GARNL3: variants seen among roughly 807,000 people sequenced by gnomAD.
The protein encoded by GARNL3 is GTPase activating Rap/RanGAP domain like 3.
Under a neutral mutation model 125.0 loss-of-function variants are expected in GARNL3, and 63 were observed. The observed-to-expected ratio is 0.50, with a 90% CI of 0.41 to 0.62. The LOEUF (loss-of-function observed/expected upper bound fraction) is 0.62. Among genes scored for constraint, GARNL3 ranks in the 20% least tolerant of loss-of-function variants. The probability of loss-of-function intolerance (pLI) is 0.00; values close to 1 mark genes in which losing one functional copy is unlikely to be tolerated. For synonymous variants in GARNL3, 439 were observed against 457.5 expected, an observed-to-expected ratio of 0.96 and a Z score of 0.52; for missense variants, 994 against 1,244.0, an observed-to-expected ratio of 0.80 and a Z score of 3.02.
rs147040690 is a variant in GARNL3 at position 127,353,959 on chromosome 9, C to T, written c.1642+15C>T. On this transcript the variant is annotated intron_variant, in intron 18 of 27. Transcript: ENST00000373387. ...AGCAGACAAAGGTGGTATTCCCTGCCGGGTGGCATGCTGTGGAGGAAGGAA... is the reference window on the plus strand; with the variant it reads ...AGCAGACAAAGGTGGTATTCCCTGCTGGGTGGCATGCTGTGGAGGAAGGAA... The T allele has an allele frequency of 1.0e-3, 1,627 of 1,556,698 alleles. 25 individuals are homozygous for T. In the Admixed American group the frequency reaches 0.024, roughly 23 times the overall value.
At chr9:127,259,763 G>A (rs1046468529), upstream of GARNL3, among the ~76,000 whole-genome samples, 2 of 152,128 alleles carry the variant, frequency 1.3e-5, no homozygotes, top group Admixed American at 1.3e-4. Flanking sequence ...CTGGCTGGAT[G>A]TGGTGGCTCA....
intron 22 of GARNL3, among the ~76,000 whole-genome samples, chr9:127,371,335 C>T (rs1831594310): frequency 6.6e-6 from 1 of 152,230 alleles, no homozygotes; most frequent in African/African-American, 2.4e-5. Context: ...AGCCAGGACT[C>T]CCTTTCCCAA....
In GARNL3 at chr9:127,380,052, C is replaced by T. The variant is rs142900574; in HGVS notation, c.2162-3386C>T. Among the ~76,000 whole-genome samples the T allele has an allele frequency of 1.8e-3, 275 of 152,148 alleles. 1 individual carries two copies. The highest frequency in any genetic ancestry group is 2.6e-3 in the Admixed American group (40 of 15,298). On this transcript the variant is annotated intron_variant, in intron 22 of 27. Coordinates refer to ENST00000373387, the MANE Select transcript of GARNL3 (RefSeq NM_032293.5). ...AAAATTAGCCAGGCGTGGTGGGGCA[C>T]GCCTTAGTCCCAGCTACTCGGGAGG...
chr9:127,368,489 C>T (rs1273961710), intron 22 of GARNL3, among the ~76,000 whole-genome samples: 1 of 151,578 alleles, frequency 6.6e-6, no homozygotes, highest in Non-Finnish European at 1.5e-5. Context: ...TGGCACCACA[C>T]CCGGCCAATT....
At chr9:127,250,859 A>T (rs1326569960) in intron 2 of GARNL3, among the ~76,000 whole-genome samples, 1 of 152,082 alleles carries the variant, frequency 6.6e-6, no homozygotes, top group Non-Finnish European at 1.5e-5. Flanking sequence ...GCTCCCTGCC[A>T]GGACGTCCTG....
At chr9:127,370,033 C>T (rs1213149760) in intron 22 of GARNL3, among the ~76,000 whole-genome samples, 3 of 152,168 alleles carry the variant, frequency 2.0e-5, no homozygotes, top group East Asian at 3.8e-4. Context: ...CATTTGTTCT[C>T]TCGGGAAGTA....
At chr9:127,243,835 T>C (rs1407993166) in intron 2 of GARNL3, among the ~76,000 whole-genome samples, 1 of 152,198 alleles carries the variant, frequency 6.6e-6, no homozygotes, top group Non-Finnish European at 1.5e-5. Flanking sequence ...AGGCCTTTGT[T>C]ATGGTGTATG....
intron 1 of GARNL3, among the ~76,000 whole-genome samples, chr9:127,229,054 C>A (rs1798448278): frequency 1.3e-5 from 2 of 152,156 alleles, no homozygotes; most frequent in African/African-American, 4.8e-5. Flanking sequence ...AAACTCCTGA[C>A]CTCAAGTGAT....
chr9:127,313,619 T>G, intron 4 of GARNL3, 60 bp downstream of exon 4: 1 of 1,094,186 alleles, frequency 9.1e-7, no homozygotes, highest in Non-Finnish European at 1.4e-6. Flanking sequence ...AGATAACCCC[T>G]GTGCTGTGGA....
rs1831326681 is a variant in GARNL3 at position 127,367,110 on chromosome 9, A to G, written c.2161+1744A>G. The G allele has an allele frequency of 3.9e-5, 6 of 152,222 alleles. No homozygotes were observed. The South Asian group carries it at 1.2e-3, about 32-fold the overall frequency. 9.4% of individuals were successfully genotyped at this position (152,222 alleles called of 1,614,324 possible). A position where few individuals can be genotyped will look rare whatever the true frequency, so the allele number is the denominator to read the frequency against. On this transcript the variant is annotated intron_variant, in intron 22 of 27. Transcript: ENST00000373387. ...GTCAGGAATCTGGCTTTTGTTTTCC[A>G]TATTTCTTTTTCCCAAGACATTGGG...
intron 1 of GARNL3, among the ~76,000 whole-genome samples, chr9:127,281,671 G>C (rs923931944): frequency 6.6e-6 from 1 of 152,220 alleles, no homozygotes; most frequent in African/African-American, 2.4e-5. Context: ...TGCAGGCACA[G>C]AAGTGGACTA....
Position 127,387,184 on chromosome 9 carries a change from C to G in GARNL3, c.2389-9C>G. The G allele has an allele frequency of 6.2e-7, 1 of 1,609,372 alleles. No individual in the cohort carries two copies. Among genetic ancestry groups the G allele is most frequent in the South Asian group, 1.1e-5 (1 of 90,468 alleles). On this transcript the variant is annotated splice_polypyrimidine_tract_variant and intron_variant, in intron 24 of 27. Coordinates refer to ENST00000373387, the MANE Select transcript of GARNL3 (RefSeq NM_032293.5). ...AGGCAGCCCGGTAATGCTCTCTCTTCCTTTCTAGTCGGATATATACTTCAC... is the reference window on the plus strand; with the variant it reads ...AGGCAGCCCGGTAATGCTCTCTCTTGCTTTCTAGTCGGATATATACTTCAC...
chr9:127,251,387 A>G (rs1476386695), intron 2 of GARNL3, among the ~76,000 whole-genome samples: 1 of 151,946 alleles, frequency 6.6e-6, no homozygotes, highest in Non-Finnish European at 1.5e-5. Context: ...CATTGATTTC[A>G]TAGTTTTTTT....
Position 127,393,302 on chromosome 9 carries a change from T to C in GARNL3, c.*48T>C, listed in dbSNP as rs773006599. ...TCTTTAGTTTTCTTATGGAGGTTTA[T>C]ACTCTTTAAACAGTTCTGATGTAAT... On this transcript the variant is annotated 3_prime_UTR_variant, in exon 28 of 28. Coordinates refer to ENST00000373387, the MANE Select transcript of GARNL3 (RefSeq NM_032293.5). The C allele has an allele frequency of 2.0e-6, 3 of 1,535,416 alleles. No individual in the cohort carries two copies. In the South Asian group the frequency reaches 3.4e-5, roughly 18 times the overall value.
At chr9:127,374,131 G>A (rs1257829572) in intron 22 of GARNL3, among the ~76,000 whole-genome samples, 4 of 151,864 alleles carry the variant, frequency 2.6e-5, no homozygotes, top group African/African-American at 9.7e-5. Flanking sequence ...GTAAAACCTC[G>A]CCTCTACTAA....
chr9:127,241,756 T>G (rs1234771209), intron 1 of GARNL3, among the ~76,000 whole-genome samples: 2 of 151,690 alleles, frequency 1.3e-5, no homozygotes, highest in Non-Finnish European at 2.9e-5. Flanking sequence ...GTTTTTTGTT[T>G]GTTTGTTTGT....
At chr9:127,293,434 C>A (rs1481902109) in intron 2 of GARNL3, among the ~76,000 whole-genome samples, 1 of 151,862 alleles carries the variant, frequency 6.6e-6, no homozygotes, top group Non-Finnish European at 1.5e-5. Context: ...TTGGTTGTGT[C>A]CTTTGAAGCA....
intron 17 of GARNL3, among the ~76,000 whole-genome samples, chr9:127,352,245 A>C (rs1830457238): frequency 6.6e-6 from 1 of 152,176 alleles, no homozygotes; most frequent in Admixed American, 6.5e-5. Flanking sequence ...ACAAGTATTA[A>C]CACCAGGCCT....
intron 11 of GARNL3, among the ~76,000 whole-genome samples, chr9:127,336,818 AC>A (rs1414522453): frequency 6.6e-6 from 1 of 152,232 alleles, no homozygotes; most frequent in East Asian, 1.9e-4. Flanking sequence ...CATGAGCTTG[AC>A]CTGCCCAGCA....
Sources: gnomAD v4.1 joint callset for allele counts (sites outside exome capture counted in the v4.1 genomes callset) on GRCh38, gnomAD v4.1.1 for gene constraint, MANE v1.5 for transcripts, NCBI Gene and HGNC (gene_info 2026-07-23, HGNC 2026-07-21) for gene names.